PTPN3: variants seen among roughly 807,000 people sequenced by gnomAD.
PTPN3 encodes protein tyrosine phosphatase non-receptor type 3.
A neutral mutation model predicts 132.7 loss-of-function variants in PTPN3; 96 were observed. The observed-to-expected ratio is 0.72, with a 90% CI of 0.61 to 0.86. The LOEUF (loss-of-function observed/expected upper bound fraction) is 0.86, where lower values mean the gene tolerates loss of function less well. Ranked by LOEUF, PTPN3 falls within the 40% of genes least tolerant of loss-of-function variation. The pLI is 0.00. For synonymous variants in PTPN3, 398 were observed against 429.0 expected (o/e 0.93, Z 0.89); for missense variants, 1,125 against 1,159.6 (o/e 0.97, Z 0.43).
intron 16 of PTPN3, among the ~76,000 whole-genome samples, chr9:109,408,899 C>T (rs1841837248): frequency 7.1e-6 from 1 of 140,652 alleles, no homozygotes; most frequent in Non-Finnish European, 1.5e-5. Context: ...TCAGCAGAGG[C>T]GAGCGAGGCC....
chr9:109,533,440 C>T, the PTPN3 span: 1 of 1,440,738 alleles, frequency 6.9e-7, no homozygotes, highest in Non-Finnish European at 9.7e-7. Flanking sequence ...GCCACCGCAC[C>T]TGGCCGGTTT....
At chr9:109,429,223 T>C (rs1253958615) in intron 10 of PTPN3, among the ~76,000 whole-genome samples, 1 of 152,208 alleles carries the variant, frequency 6.6e-6, no homozygotes, top group Non-Finnish European at 1.5e-5. Context: ...TCCTGAAAAG[T>C]ACATATTGTT....
Position 109,448,869 on chromosome 9 carries a change from G to A in PTPN3, c.369-14C>T. On this transcript the variant is annotated splice_polypyrimidine_tract_variant and intron_variant, in intron 5 of 25. Coordinates refer to ENST00000374541, the MANE Select transcript of PTPN3 (RefSeq NM_002829.4). Reference sequence around the variant, plus strand: ...AAATACAAGTGCCTATGAAACAATTGTTTTCATTAATTCATACTCAAACTG... The same window carrying A: ...AAATACAAGTGCCTATGAAACAATTATTTTCATTAATTCATACTCAAACTG... 5 of 1,460,112 alleles carry A rather than the reference G, an allele frequency of 3.4e-6. No homozygotes were observed. The highest frequency in any genetic ancestry group is 2.6e-5 in the East Asian group (1 of 38,502). 90.4% of individuals were successfully genotyped at this position (1,460,112 alleles called of 1,614,324 possible).
At chr9:109,516,779 A>G in the PTPN3 span, among the ~76,000 whole-genome samples, 7 of 152,206 alleles carry the variant, frequency 4.6e-5, no homozygotes, top group African/African-American at 1.7e-4. Context: ...AACAATGAAG[A>G]CCACCTGGCA....
At chr9:109,457,270 A>G (rs765324402) in intron 3 of PTPN3, 22 bp downstream of exon 3, 8 of 1,612,616 alleles carry the variant, frequency 5.0e-6, no homozygotes, top group Non-Finnish European at 5.9e-6. Context: ...AGTTCAGCAC[A>G]TTTTTTAAAA....
At chr9:109,439,646 C>T (rs1458549883) in intron 7 of PTPN3, among the ~76,000 whole-genome samples, 3 of 152,192 alleles carry the variant, frequency 2.0e-5, no homozygotes, top group Admixed American at 6.5e-5. Flanking sequence ...TGGTAGCTCA[C>T]GCCTGTAATC....
chr9:109,485,588 C>T (rs2132111207), intron 1 of PTPN3, among the ~76,000 whole-genome samples: 1 of 152,158 alleles, frequency 6.6e-6, no homozygotes, highest in South Asian at 2.1e-4. Context: ...AGATCCTCGC[C>T]CTCTTCTCCT....
intron 13 of PTPN3, 45 bp from the exon 14 acceptor site, chr9:109,420,645 C>A: frequency 6.4e-7 from 1 of 1,556,632 alleles, no homozygotes; most frequent in African/African-American, 1.4e-5. Context: ...AAGCAAATTC[C>A]ACTTAAAAAT....
At chr9:109,484,667 G>A (rs1847129346) in intron 1 of PTPN3, among the ~76,000 whole-genome samples, 1 of 152,124 alleles carries the variant, frequency 6.6e-6, no homozygotes, top group African/African-American at 2.4e-5. Flanking sequence ...GAGGTTTCTG[G>A]AGCAGGCTGG....
intron 7 of PTPN3, 53 bp from the exon 8 acceptor site, chr9:109,438,287 G>C (rs1479208142): frequency 1.3e-6 from 2 of 1,558,318 alleles, no homozygotes; most frequent in East Asian, 4.5e-5. Flanking sequence ...TTTTTAATAT[G>C]GTTTGCATTT....
intron 19 of PTPN3, 68 bp downstream of exon 19, chr9:109,404,380 A>G: frequency 8.6e-7 from 1 of 1,157,588 alleles, no homozygotes; most frequent in East Asian, 2.7e-5. Context: ...CATTTCCTCC[A>G]CTGCTCAGAG....
At chr9:109,457,081 C>A in intron 4 of PTPN3, 92 bp downstream of exon 4, 1 of 1,339,288 alleles carries the variant, frequency 7.5e-7, no homozygotes, top group Non-Finnish European at 1.1e-6. Flanking sequence ...CTACAGGTAC[C>A]AGATGTCACA....
At chr9:109,454,462 C>T (rs773221164) in intron 5 of PTPN3, 34 bp downstream of exon 5, 1 of 1,552,646 alleles carries the variant, frequency 6.4e-7, no homozygotes, top group East Asian at 2.2e-5. Context: ...CATTTTTATA[C>T]ACTAAACAGA....
At chr9:109,391,302 T>C (rs1588303893) in intron 20 of PTPN3, 103 bp from the exon 21 acceptor site, 2 of 1,293,988 alleles carry the variant, frequency 1.5e-6, no homozygotes, top group Non-Finnish European at 1.1e-6. Context: ...TCTGCCTCAT[T>C]AGCATAAACA....
intron 2 of PTPN3, among the ~76,000 whole-genome samples, chr9:109,458,885 A>C (rs912137223): frequency 2.0e-5 from 3 of 152,226 alleles, no homozygotes; most frequent in African/African-American, 4.8e-5. Context: ...GAACATCTAC[A>C]AGGAGCCAGA....
intron 2 of PTPN3, among the ~76,000 whole-genome samples, 188 bp from the exon 3 acceptor site, chr9:109,457,587 T>C (rs1258495871): frequency 6.6e-6 from 1 of 152,138 alleles, no homozygotes; most frequent in Non-Finnish European, 1.5e-5. Flanking sequence ...CTAAGAAAAA[T>C]GACATCAACA....
chr9:109,490,017 AT>A (rs1397689477), intron 1 of PTPN3, among the ~76,000 whole-genome samples: 1 of 151,836 alleles, frequency 6.6e-6, no homozygotes, highest in Non-Finnish European at 1.5e-5. Context: ...CCTCATCTCT[AT>A]TAAAAATACA....
intron 19 of PTPN3, among the ~76,000 whole-genome samples, chr9:109,402,357 C>T (rs1231344886): frequency 1.3e-5 from 2 of 152,018 alleles, no homozygotes; most frequent in African/African-American, 2.4e-5. Context: ...TGTCTCACCG[C>T]AACCTCCGCC....
chr9:109,455,761 T>C (rs535404894), intron 4 of PTPN3, among the ~76,000 whole-genome samples: 3 of 152,290 alleles, frequency 2.0e-5, no homozygotes, highest in South Asian at 2.1e-4. Context: ...ACTATTATCA[T>C]AGAATGTCGA....
Sources: gnomAD v4.1 joint callset for allele counts (sites outside exome capture counted in the v4.1 genomes callset) on GRCh38, gnomAD v4.1.1 for gene constraint, MANE v1.5 for transcripts, NCBI Gene and HGNC (gene_info 2026-07-23, HGNC 2026-07-21) for gene names.